Variants in PEX14 observed in about 807,000 individuals in gnomAD.
The protein encoded by PEX14 is peroxisomal membrane protein PEX14.
A neutral mutation model predicts 49.5 loss-of-function variants in PEX14; 15 were observed. The observed-to-expected ratio is 0.30, with a 90% CI of 0.20 to 0.47. PEX14 has a LOEUF of 0.47. Ranked by LOEUF, PEX14 falls within the 20% of genes least tolerant of loss-of-function variation. The pLI is 1.00. For synonymous variants in PEX14, 210 were observed against 212.7 expected (o/e 0.99, Z 0.11); for missense variants, 398 against 494.8 (o/e 0.80, Z 1.86).
chr1:10,611,518 T>A (rs1250494969), intron 4 of PEX14, among the ~76,000 whole-genome samples: 2 of 152,236 alleles, frequency 1.3e-5, no homozygotes, highest in South Asian at 2.1e-4. Flanking sequence ...GTGGAATGGC[T>A]TAGTCACATG....
intron 1 of PEX14, among the ~76,000 whole-genome samples, chr1:10,485,044 A>C (rs1410418007): frequency 6.6e-6 from 1 of 151,792 alleles, no homozygotes; most frequent in East Asian, 1.9e-4. Context: ...GGGCATGGAT[A>C]CCAGGAGGTG....
intron 2 of PEX14, among the ~76,000 whole-genome samples, chr1:10,500,623 G>A (rs531197677): frequency 6.6e-6 from 1 of 152,138 alleles, no homozygotes; most frequent in Admixed American, 6.5e-5. Context: ...CACCCAGGCT[G>A]GAGTGCAGTG....
intron 3 of PEX14, among the ~76,000 whole-genome samples, chr1:10,544,645 C>G (rs988537680): frequency 6.6e-6 from 1 of 152,174 alleles, no homozygotes; most frequent in African/African-American, 2.4e-5. Flanking sequence ...TGCCCAGCAT[C>G]CCCAAAAGTT....
intron 2 of PEX14, among the ~76,000 whole-genome samples, chr1:10,499,372 G>A (rs1289496710): frequency 6.6e-6 from 1 of 151,698 alleles, no homozygotes; most frequent in African/African-American, 2.4e-5. Flanking sequence ...TTAACTTTTA[G>A]GTGTAGGTTC....
At chr1:10,583,993 A>G (rs1640408173) in intron 3 of PEX14, among the ~76,000 whole-genome samples, 2 of 152,170 alleles carry the variant, frequency 1.3e-5, no homozygotes, top group South Asian at 4.1e-4. Flanking sequence ...TTTGAGTAAA[A>G]TGGAAAATCA....
intron 4 of PEX14, among the ~76,000 whole-genome samples, chr1:10,603,471 A>G (rs962586281): frequency 2.0e-5 from 3 of 152,104 alleles, no homozygotes; most frequent in African/African-American, 7.2e-5. Flanking sequence ...GTTGGCACCA[A>G]GGGGAAGCTT....
In PEX14 at chr1:10,623,227, T is replaced by C; in HGVS notation, c.487+106T>C. 2.7e-6 allele frequency: 2 copies of C among 748,504 alleles called. No homozygotes were observed. Among genetic ancestry groups the C allele is most frequent in the South Asian group, 3.0e-5 (2 of 67,782 alleles). 46.4% of individuals were successfully genotyped at this position (748,504 alleles called of 1,614,324 possible). ...GTCTCCACTCTATGTGGTGACTTCATTTATCTGCTCTGAGAATCTGTTCAC... is the reference window on the plus strand; with the variant it reads ...GTCTCCACTCTATGTGGTGACTTCACTTATCTGCTCTGAGAATCTGTTCAC... On this transcript the variant is annotated intron_variant, in intron 6 of 8. Coordinates refer to ENST00000356607, the MANE Select transcript of PEX14 (RefSeq NM_004565.3). This position sits in a 1 kb window ranked among gnomAD's most constrained non-coding sequence, Gnocchi z 4.4.
intron 3 of PEX14, among the ~76,000 whole-genome samples, chr1:10,542,300 C>T (rs1639039919): frequency 6.6e-6 from 1 of 152,134 alleles, no homozygotes; most frequent in African/African-American, 2.4e-5. Context: ...GTATTACTCC[C>T]CCACAGAAAC....
At chr1:10,578,172 C>G (rs1640207050) in intron 3 of PEX14, among the ~76,000 whole-genome samples, 1 of 152,116 alleles carries the variant, frequency 6.6e-6, no homozygotes, top group Admixed American at 6.5e-5. Context: ...CCCTCACATG[C>G]TAGACTAACT....
intron 2 of PEX14, among the ~76,000 whole-genome samples, chr1:10,516,720 A>G (rs1416380420): frequency 1.3e-5 from 2 of 152,242 alleles, no homozygotes; most frequent in Non-Finnish European, 2.9e-5. Flanking sequence ...AAGCAGATAC[A>G]AACAGATTAG....
intron 3 of PEX14, among the ~76,000 whole-genome samples, chr1:10,584,832 T>A (rs147818170): frequency 6.6e-6 from 1 of 152,176 alleles, no homozygotes; most frequent in African/African-American, 2.4e-5. Flanking sequence ...CATGGAAACA[T>A]AGAAATGGCA....
At chr1:10,502,112 G>C (rs1204277395) in intron 2 of PEX14, among the ~76,000 whole-genome samples, 1 of 152,152 alleles carries the variant, frequency 6.6e-6, no homozygotes, top group African/African-American at 2.4e-5. Flanking sequence ...CCAGCATCCT[G>C]GGCCTGAGAT....
chr1:10,526,112 G>A (rs893253708), intron 2 of PEX14, among the ~76,000 whole-genome samples: 4 of 150,674 alleles, frequency 2.7e-5, no homozygotes, highest in Admixed American at 6.6e-5. Flanking sequence ...TAGTAGAGAC[G>A]GGTTTCACCG....
intron 3 of PEX14, among the ~76,000 whole-genome samples, chr1:10,548,799 A>G (rs948135416): frequency 1.3e-5 from 2 of 152,184 alleles, no homozygotes; most frequent in African/African-American, 4.8e-5. Flanking sequence ...TTATATTTCA[A>G]TTGTTCTGAG....
rs1172561318 is a variant in PEX14, at chr1:10,529,058, C to T, written c.85-7155C>T. On this transcript the variant is annotated intron_variant, in intron 2 of 8. Coordinates refer to ENST00000356607, the MANE Select transcript of PEX14 (RefSeq NM_004565.3). This position sits in a 1 kb window ranked among gnomAD's most constrained non-coding sequence, Gnocchi z 4.2. The stretch of plus-strand genomic sequence containing the variant: ...CTTTTTTCCTCCCCTCTTTGGGTAA[C>T]TGCTTTGTTGGTTGCATCAAAAATT... 1.3e-5 allele frequency among the ~76,000 whole-genome samples: 2 copies of T among 152,210 alleles called. No individual in the cohort carries two copies. Among genetic ancestry groups the T allele is most frequent in the Non-Finnish European group, 2.9e-5 (2 of 68,034 alleles).
At chr1:10,544,430 G>C (rs1272998987) in intron 3 of PEX14, among the ~76,000 whole-genome samples, 1 of 152,218 alleles carries the variant, frequency 6.6e-6, no homozygotes, top group Non-Finnish European at 1.5e-5. Context: ...AGACATGGCA[G>C]AAGAAAGAGT....
intron 3 of PEX14, among the ~76,000 whole-genome samples, chr1:10,546,429 G>A (rs950969432): frequency 6.6e-6 from 1 of 151,982 alleles, no homozygotes. Context: ...GCCGGGTGTG[G>A]TGACGCTTAC....
chr1:10,489,766 G>A (rs1641438508), intron 1 of PEX14, among the ~76,000 whole-genome samples: 1 of 152,220 alleles, frequency 6.6e-6, no homozygotes, highest in South Asian at 2.1e-4. Flanking sequence ...ACTTAAGTGG[G>A]TGGCGTGCTC....
chr1:10,585,216 A>G (rs1640445598), intron 3 of PEX14, among the ~76,000 whole-genome samples: 1 of 152,180 alleles, frequency 6.6e-6, no homozygotes, highest in Non-Finnish European at 1.5e-5. Context: ...AGAAAGAGCA[A>G]AGTGTCTTTT....
Sources: gnomAD v4.1 joint callset for allele counts (sites outside exome capture counted in the v4.1 genomes callset) on GRCh38, gnomAD v4.1.1 for gene constraint, Gnocchi (gnomAD v3.1) non-coding constraint, MANE v1.5 for transcripts, NCBI Gene and HGNC (gene_info 2026-07-23, HGNC 2026-07-21) for gene names.